FMR1NB: variants seen among roughly 807,000 people sequenced by gnomAD.
The protein encoded by FMR1NB is FMR1 neighbor protein.
In FMR1NB, 10 loss-of-function variants were observed where a neutral mutation model predicts 16.8. The ratio of observed to expected loss-of-function variants is 0.60; its 90% CI spans 0.37 to 1.01. The LOEUF (loss-of-function observed/expected upper bound fraction) is 1.01. FMR1NB is among the 50% of genes least tolerant of loss of function. The pLI is 0.01. For missense variants in FMR1NB, 205 were observed against 204.8 expected (o/e 1.00, Z 0.00); for synonymous variants, 83 against 79.1 (o/e 1.05, Z -0.26).
intron 4 of FMR1NB, among the ~76,000 whole-genome samples, chrX:148,019,046 C>G (rs781831387): frequency 8.9e-6 from 1 of 112,041 alleles, no homozygotes; most frequent in Non-Finnish European, 1.9e-5. Flanking sequence ...AGACTATTTT[C>G]TAGATGTTGT....
rs544616527 is a variant in FMR1NB, at chrX:148,025,383, T to A, written c.*13+370T>A. The stretch of plus-strand genomic sequence containing the variant: ...CATCACATATCCAGGGGAAGGAGAA[T>A]GGCCTTAGGAGTCTGACAGAGATGA... On this transcript the variant is annotated intron_variant, in intron 5 of 5. Transcript: ENST00000370467. Among the ~76,000 whole-genome samples, 5 of 111,109 alleles carry A rather than the reference T, an allele frequency of 4.5e-5. No homozygotes were observed. In the South Asian group the frequency reaches 1.5e-3, roughly 34 times the overall value.
chrX:148,014,112 C>T (rs2044638079), intron 4 of FMR1NB, among the ~76,000 whole-genome samples: 1 of 110,877 alleles, frequency 9.0e-6, no homozygotes, highest in Non-Finnish European at 1.9e-5. Context: ...ATCTAAAGAG[C>T]GAAGGCAGGT....
At chrX:147,988,939 A>G (rs907568502) in intron 1 of FMR1NB, among the ~76,000 whole-genome samples, 1 of 111,331 alleles carries the variant, frequency 9.0e-6, no homozygotes, top group African/African-American at 3.3e-5. Flanking sequence ...GCTTCCTTGC[A>G]TTAGATTAGA....
intron 4 of FMR1NB, among the ~76,000 whole-genome samples, chrX:148,014,838 C>T (rs2044642188): frequency 9.0e-6 from 1 of 111,272 alleles, no homozygotes; most frequent in African/African-American, 3.3e-5. Context: ...AGAAACAGAG[C>T]TTCACCATGT....
At chrX:147,984,943 T>C (rs1186503713) in intron 1 of FMR1NB, among the ~76,000 whole-genome samples, 1 of 112,313 alleles carries the variant, frequency 8.9e-6, no homozygotes, top group East Asian at 2.8e-4. Context: ...AATTGAGATA[T>C]GAAATTGTTT....
intron 1 of FMR1NB, among the ~76,000 whole-genome samples, chrX:147,986,410 A>G (rs1467569044): frequency 2.7e-5 from 3 of 111,932 alleles, no homozygotes; most frequent in Non-Finnish European, 5.6e-5. Context: ...TCTGTCCTGA[A>G]TGGTATTGCC....
intron 1 of FMR1NB, 44 bp downstream of exon 1, chrX:147,981,723 G>A (rs2044448331): frequency 1.5e-5 from 15 of 980,798 alleles, no homozygotes; most frequent in Middle Eastern, 4.1e-4. Flanking sequence ...TGGGGGAGGG[G>A]GAGGGGGAGG....
intron 4 of FMR1NB, among the ~76,000 whole-genome samples, chrX:148,018,037 T>C (rs1306515827): frequency 9.3e-6 from 1 of 107,309 alleles, no homozygotes; most frequent in Non-Finnish European, 1.9e-5. Context: ...TGATTTATAG[T>C]CCTTTGGGTA....
chrX:148,017,957 G>C (rs1244505332), intron 4 of FMR1NB, among the ~76,000 whole-genome samples: 1 of 107,010 alleles, frequency 9.3e-6, no homozygotes, highest in Non-Finnish European at 1.9e-5. Flanking sequence ...CATTTGGGTT[G>C]GTTCCAAGTC....
At position 147,981,547 on chromosome X, in the gene FMR1NB, A is replaced by G; in HGVS notation, c.145A>G (p.Met49Val). ...CAGCCATCCTGGATACGAGGCCGCC[A>G]TGGCTGACAGGCCTCAGCCAGGATG... ...ESSHPGYEAA[M>V]ADRPQPGWRE... is the part of the protein sequence containing the mutation. Residue 49 changes from methionine (M) to valine (V), a missense_variant, in exon 1 of 6, where the codon ATG becomes GTG. Met to Val is a conservative substitution (Grantham distance 21). Coordinates refer to ENST00000370467, the MANE Select transcript of FMR1NB (RefSeq NM_152578.3). The G allele has an allele frequency of 8.3e-7, 1 of 1,212,066 alleles. No homozygotes were observed. The highest frequency in any genetic ancestry group is 1.8e-5 in the South Asian group (1 of 57,006).
intron 1 of FMR1NB, among the ~76,000 whole-genome samples, chrX:147,983,311 A>G (rs1327257076): frequency 8.9e-6 from 1 of 112,064 alleles, no homozygotes; most frequent in Non-Finnish European, 1.9e-5. Context: ...TTTTTGAGGA[A>G]GTCCCACACT....
At chrX:147,986,211 G>A (rs1018076606) in intron 1 of FMR1NB, among the ~76,000 whole-genome samples, 13 of 112,112 alleles carry the variant, frequency 1.2e-4, no homozygotes, top group African/African-American at 4.2e-4. Flanking sequence ...TGTAGATTCT[G>A]GTTATTAGAC....
rs782235374 is a variant in FMR1NB, at chrX:148,017,528, C to G, written c.633-7337C>G. 1.7e-3 allele frequency among the ~76,000 whole-genome samples: 185 copies of G among 107,393 alleles called. 11 individuals carry two copies. The highest frequency in any genetic ancestry group is 1.1e-3 in the Non-Finnish European group (55 of 51,601). 93.3% of individuals were successfully genotyped at this position (107,393 alleles called of 115,157 possible). A position where few individuals can be genotyped will look rare whatever the true frequency, so the allele number is the denominator to read the frequency against. On this transcript the variant is annotated intron_variant, in intron 4 of 5. Transcript: ENST00000370467. ...AGATTTGTCCTTTTGAGACTATTTT[C>G]TTTTTTTTTCTTTTTTTTAATTTTT...
intron 4 of FMR1NB, among the ~76,000 whole-genome samples, chrX:148,016,992 C>T (rs977489137): frequency 1.8e-5 from 2 of 111,215 alleles, no homozygotes; most frequent in Admixed American, 9.6e-5. Flanking sequence ...CATTAACACC[C>T]TTTTCTTTCT....
chrX:148,001,906 A>T (rs1388750743), intron 1 of FMR1NB, among the ~76,000 whole-genome samples: 1 of 111,535 alleles, frequency 9.0e-6, no homozygotes, highest in East Asian at 2.8e-4. Flanking sequence ...CTTAAGTATA[A>T]CAGAAAAGGA....
chrX:148,011,455 A>G (rs7063607), intron 4 of FMR1NB, among the ~76,000 whole-genome samples: 9,768 of 110,934 alleles, frequency 0.088, 380 homozygotes, highest in Middle Eastern at 0.16. Context: ...ATAACGGAGG[A>G]TACAGAAATT....
At chrX:148,007,994 A>G (rs1311261451) in intron 3 of FMR1NB, 1 of 112,367 alleles carries the variant, frequency 8.9e-6, no homozygotes, top group East Asian at 2.8e-4. Flanking sequence ...CAATTCCCCA[A>G]TCACATTAGA....
At chrX:148,014,215 G>T (rs1430865846) in intron 4 of FMR1NB, among the ~76,000 whole-genome samples, 1 of 111,158 alleles carries the variant, frequency 9.0e-6, no homozygotes, top group Non-Finnish European at 1.9e-5. Flanking sequence ...GGGGCTTGGA[G>T]GATGGCTAGG....
chrX:148,025,004 G>T lies in FMR1NB; in HGVS notation c.*4G>T. 8.3e-7 allele frequency: 1 copy of T among 1,208,801 alleles called. No homozygotes were observed. Among genetic ancestry groups the T allele is most frequent in the Non-Finnish European group, 1.1e-6 (1 of 893,925 alleles). ...TGAGGAACATGGTGACGAGTAGCAA[G>T]AGACCAAAGGTAATTGACAATAGGA... is the stretch of plus-strand genomic sequence containing the variant. On this transcript the variant is annotated 3_prime_UTR_variant, in exon 5 of 6. Transcript: ENST00000370467.
Sources: allele counts gnomAD v4.1 joint callset (sites outside exome capture counted in the v4.1 genomes callset), GRCh38; gene constraint gnomAD v4.1.1; transcripts MANE v1.5; gene names NCBI Gene and HGNC (gene_info 2026-07-23, HGNC 2026-07-21).